The following FCRL3 variants were observed in gnomAD, a reference collection of about 807,000 sequenced individuals.
FCRL3 encodes the protein Fc receptor like 3, also known as Fc receptor-like protein 3.
FCRL3 carries 89 observed loss-of-function variants against 75.0 expected under a neutral mutation model. The ratio of observed to expected loss-of-function variants is 1.19; its 90% CI spans 1.00 to 1.42. FCRL3 has a LOEUF of 1.42. Among genes scored for constraint, FCRL3 ranks in the 40% most tolerant of loss-of-function variants. FCRL3 has a pLI of 0.00. For missense variants in FCRL3, 946 were observed against 880.0 expected, an observed-to-expected ratio of 1.07 and a Z score of -0.95; for synonymous variants, 376 against 348.5, an observed-to-expected ratio of 1.08 and a Z score of -0.88.
intron 2 of FCRL3, among the ~76,000 whole-genome samples, 190 bp downstream of exon 2, chr1:157,700,269 A>G (rs575808757): frequency 6.6e-6 from 1 of 152,322 alleles, no homozygotes; most frequent in Non-Finnish European, 1.5e-5. Flanking sequence ...CAAGGTCAGG[A>G]TATCTGGCTT....
intron 11 of FCRL3, among the ~76,000 whole-genome samples, chr1:157,681,776 T>C (rs1654866010): frequency 6.6e-6 from 1 of 152,154 alleles, no homozygotes; most frequent in Non-Finnish European, 1.5e-5. Context: ...GATGGCTGGG[T>C]CAAATGGTAT....
At position 157,677,588 on chromosome 1, in the gene FCRL3, T is replaced by C. The variant is rs923947749; in HGVS notation, c.*1122A>G. The C allele has an allele frequency of 3.0e-6, 3 of 985,220 alleles. No homozygotes were observed. Among genetic ancestry groups the C allele is most frequent in the Non-Finnish European group, 2.4e-6 (2 of 829,906 alleles). The allele number at this position is 985,220 out of a possible 1,614,324, so 61.0% of individuals were successfully genotyped here. A position where few individuals can be genotyped will look rare whatever the true frequency, so the allele number is the denominator to read the frequency against. On this transcript the variant is annotated 3_prime_UTR_variant, in exon 15 of 15. Coordinates refer to ENST00000368184, the MANE Select transcript of FCRL3 (RefSeq NM_052939.4). ...AAAATTCAACACACTGTGGAAAGAG[T>C]TTTTGATGGTGATAGCTAGGAAAAC...
intron 7 of FCRL3, 30 bp downstream of exon 7, chr1:157,696,010 C>T (rs544479679): frequency 8.9e-6 from 14 of 1,576,900 alleles, no homozygotes; most frequent in Middle Eastern, 2.3e-4. Context: ...GCTTGCAACT[C>T]GAGGCTGTGT....
chr1:157,695,421 G>A lies in FCRL3; in HGVS notation c.1319C>T (p.Ser440Phe). The change falls in exon 8 of 15, where the codon TCT (serine) becomes TTT (phenylalanine). Residue 440 changes from serine to phenylalanine, a missense_variant. Transcript: ENST00000368184. ...GTTTCCAGAATGTTCTGCAGTCAGA[G>A]AGAGGTTGAAGGAGGCTCCTCCTCC... ...PSGGGASFNL[S>F]LTAEHSGNYS... 1.2e-6 allele frequency: 2 copies of A among 1,614,228 alleles called. No homozygotes were observed. The highest frequency in any genetic ancestry group is 1.3e-5 in the African/African-American group (1 of 75,064).
At chr1:157,680,106 G>C (rs1654741885) in intron 13 of FCRL3, among the ~76,000 whole-genome samples, 1 of 152,124 alleles carries the variant, frequency 6.6e-6, no homozygotes, top group Admixed American at 6.6e-5. Context: ...AAGTAGACTA[G>C]AGGAAAGGAC....
intron 13 of FCRL3, 188 bp from the exon 14 acceptor site, chr1:157,679,161 T>G: frequency 1.5e-6 from 1 of 656,542 alleles, no homozygotes. Flanking sequence ...TTGCTTGATC[T>G]CTTGACTGTT....
chr1:157,697,993 G>T lies in FCRL3; in HGVS notation c.299-74C>A, dbSNP rs1013743725. The T allele has an allele frequency of 3.3e-6, 5 of 1,525,264 alleles. No homozygotes were observed. The African/African-American group carries it at 4.1e-5, about 13-fold the overall frequency. The allele number at this position is 1,525,264 out of a possible 1,614,324, so 94.5% of individuals were successfully genotyped here. A position where few individuals can be genotyped will look rare whatever the true frequency, so the allele number is the denominator to read the frequency against. On this transcript the variant is annotated intron_variant, in intron 4 of 14. Transcript: ENST00000368184. ...CTTCACTTTCATTTCCACCCATGAG[G>T]CAAGAGCCACAGTTCTATACACACC...
chr1:157,676,812 G>A lies in FCRL3; in HGVS notation c.*1898C>T. The A allele has an allele frequency of 6.5e-7, 1 of 1,548,962 alleles. No individual in the cohort carries two copies. The highest frequency in any genetic ancestry group is 8.7e-7 in the Non-Finnish European group (1 of 1,146,300). On this transcript the variant is annotated 3_prime_UTR_variant, in exon 15 of 15. Coordinates refer to ENST00000368184, the MANE Select transcript of FCRL3 (RefSeq NM_052939.4). The stretch of plus-strand genomic sequence containing the variant: ...ATGATAAGAGATGACAGGTCCCTTA[G>A]AGAAAGTTCACTATAAGGCACAAAG...
intron 10 of FCRL3, among the ~76,000 whole-genome samples, 198 bp from the exon 11 acceptor site, chr1:157,683,442 G>T (rs1191674801): frequency 6.6e-6 from 1 of 152,088 alleles, no homozygotes; most frequent in Non-Finnish European, 1.5e-5. Flanking sequence ...AAAGGCATTT[G>T]CCCAGAGTCA....
At chr1:157,685,241 G>A (rs1287079693) in intron 10 of FCRL3, among the ~76,000 whole-genome samples, 1 of 151,776 alleles carries the variant, frequency 6.6e-6, no homozygotes, top group Non-Finnish European at 1.5e-5. Flanking sequence ...AGTAATTTTG[G>A]AAGTAGGAGG....
intron 10 of FCRL3, 152 bp from the exon 11 acceptor site, chr1:157,683,396 CTA>C: frequency 4.3e-6 from 4 of 920,756 alleles, no homozygotes; most frequent in Non-Finnish European, 6.5e-6. Flanking sequence ...CTTACTCCCC[CTA>C]TGTTATGTTA....
At position 157,678,545 on chromosome 1, in the gene FCRL3, C is replaced by G. The variant is rs1345731430; in HGVS notation, c.*165G>C. On this transcript the variant is annotated 3_prime_UTR_variant, in exon 15 of 15. Coordinates refer to ENST00000368184, the MANE Select transcript of FCRL3 (RefSeq NM_052939.4). Reference sequence around the variant, plus strand: ...GCCTGCTCTCTTCCTGGGGAACACACAGATCAGGCACAGGGGAGATTTGCA... The same window carrying G: ...GCCTGCTCTCTTCCTGGGGAACACAGAGATCAGGCACAGGGGAGATTTGCA... 6.8e-7 allele frequency: 1 copy of G among 1,464,634 alleles called. No homozygotes were observed. The highest frequency in any genetic ancestry group is 2.6e-5 in the Admixed American group (1 of 38,060). The allele number at this position is 1,464,634 out of a possible 1,614,324, so 90.7% of individuals were successfully genotyped here. A position where few individuals can be genotyped will look rare whatever the true frequency, so the allele number is the denominator to read the frequency against.
intron 13 of FCRL3, among the ~76,000 whole-genome samples, chr1:157,679,879 T>C (rs1341507707): frequency 3.0e-5 from 4 of 134,070 alleles, no homozygotes; most frequent in African/African-American, 1.1e-4. Context: ...ACTCAGTTCA[T>C]GTGATCAAGA....
At chr1:157,681,131 A>G in intron 11 of FCRL3, 32 bp from the exon 12 acceptor site, 1 of 1,422,230 alleles carries the variant, frequency 7.0e-7, no homozygotes, top group Non-Finnish European at 9.4e-7. Context: ...TGGATTAAAA[A>G]GTATCTGTGG....
At position 157,698,452 on chromosome 1, in the gene FCRL3, G is replaced by A; in HGVS notation, c.230C>T (p.Pro77Leu). Reference sequence around the variant, plus strand: ...TCGGGTCTTACATTGGTAATTTCCAGGCTCTGTAATTTGGATCTTGTCATG... The same window carrying A: ...TCGGGTCTTACATTGGTAATTTCCAAGCTCTGTAATTTGGATCTTGTCATG... Reference protein sequence around the residue: ...IKHDKIQITEPGNYQCKTRGS... With the variant: ...IKHDKIQITELGNYQCKTRGS... Residue 77 changes from proline to leucine, a missense_variant, in exon 4 of 15, where the codon CCT becomes CTT. Pro to Leu is a moderately conservative substitution (Grantham distance 98). Coordinates refer to ENST00000368184, the MANE Select transcript of FCRL3 (RefSeq NM_052939.4). 7 of 1,614,178 alleles carry A rather than the reference G, an allele frequency of 4.3e-6. No homozygotes were observed. Among genetic ancestry groups the A allele is most frequent in the Non-Finnish European group, 5.9e-6 (7 of 1,180,016 alleles).
chr1:157,700,461 A>G lies in FCRL3; in HGVS notation c.29T>C (p.Leu10Pro), dbSNP rs1236903710. 1.9e-6 allele frequency: 3 copies of G among 1,614,044 alleles called. No individual in the cohort carries two copies. Among genetic ancestry groups the G allele is most frequent in the South Asian group, 1.1e-5 (1 of 91,070 alleles). The change falls in exon 2 of 15, where the codon CTG becomes CCG. Residue 10 changes from leucine to proline, a missense_variant and splice_region_variant. Transcript: ENST00000368184. MLLWLLLLI[L>P]TPGREQSGVA... ...CCCATTATAGCCCATCTACTCACTC[A>G]GGATCAGCAGCAGCAGCCACAGAAG...
In FCRL3 at chr1:157,683,225, T is replaced by C. The variant is rs1654960254; in HGVS notation, c.1830A>G (p.Gly610=). ...AGAAGCAGAGACCTCACCTAGATGT[T>C]CCAGTGGCAGAAAGTCCTCCTGCAA... ...RRKPGGLSAT[G]TSSHSPSECQ... The change falls in exon 11 of 15, where the codon GGA becomes GGG. Residue 610 remains glycine, a synonymous_variant. Coordinates refer to ENST00000368184, the MANE Select transcript of FCRL3 (RefSeq NM_052939.4). 2.5e-6 allele frequency: 4 copies of C among 1,613,476 alleles called. No homozygotes were observed. Among genetic ancestry groups the C allele is most frequent in the African/African-American group, 1.3e-5 (1 of 74,860 alleles).
rs1654779210 is a variant in FCRL3 at position 157,680,686 on chromosome 1, C to T, written c.2026+16G>A. The T allele has an allele frequency of 3.7e-6, 6 of 1,612,296 alleles. No homozygotes were observed. The East Asian group carries it at 6.7e-5, about 18-fold the overall frequency. ...ACACTGCCACCTCACCTCTATTTGC[C>T]TGAAAGGCATCTTACCTGAGTTTTC... On this transcript the variant is annotated intron_variant, in intron 13 of 14. Coordinates refer to ENST00000368184, the MANE Select transcript of FCRL3 (RefSeq NM_052939.4).
At chr1:157,698,305 C>T (rs1656090825) in intron 4 of FCRL3, 79 bp downstream of exon 4, 5 of 1,553,000 alleles carry the variant, frequency 3.2e-6, no homozygotes, top group Non-Finnish European at 3.5e-6. Flanking sequence ...ACAACTCTGC[C>T]TAGGATCCCT....
Sources: gnomAD v4.1 joint callset for allele counts (sites outside exome capture counted in the v4.1 genomes callset) on GRCh38, gnomAD v4.1.1 for gene constraint, MANE v1.5 for transcripts, NCBI Gene and HGNC (gene_info 2026-07-23, HGNC 2026-07-21) for gene names.